The following LRRC4C variants were observed in gnomAD, a reference collection of about 807,000 sequenced individuals.
LRRC4C encodes leucine rich repeat containing 4C, also known as leucine-rich repeat-containing protein 4C.
A neutral mutation model predicts 33.6 loss-of-function variants in LRRC4C; 5 were observed. The ratio of observed to expected loss-of-function variants is 0.15; its 90% CI spans 0.08 to 0.31. LRRC4C has a LOEUF of 0.31. Ranked by LOEUF, LRRC4C falls within the 10% of genes least tolerant of loss-of-function variation. The pLI, the probability that LRRC4C is intolerant of heterozygous loss-of-function variation, is 1.00. For missense variants in LRRC4C, 560 were observed against 796.7 expected, an observed-to-expected ratio of 0.70 and a Z score of 3.58; for synonymous variants, 329 against 302.0, an observed-to-expected ratio of 1.09 and a Z score of -0.93.
intron 5 of LRRC4C, among the ~76,000 whole-genome samples, chr11:40,180,179 T>C (rs1209288121): frequency 6.6e-6 from 1 of 152,236 alleles, no homozygotes; most frequent in Admixed American, 6.5e-5. Flanking sequence ...TTATTTATGG[T>C]CCAAATAACA....
chr11:40,953,699 T>A (rs1293086970), intron 1 of LRRC4C, among the ~76,000 whole-genome samples: 1 of 151,804 alleles, frequency 6.6e-6, no homozygotes, highest in Non-Finnish European at 1.5e-5. Context: ...TCTGACCATG[T>A]GGCATAAAGA....
In LRRC4C at chr11:41,446,933, A is replaced by G. The variant is rs1433300500; in HGVS notation, c.-496+12498T>C. On this transcript the variant is annotated intron_variant, in intron 1 of 6. Coordinates refer to ENST00000528697, the MANE Select transcript of LRRC4C (RefSeq NM_001258419.2). ...GTCCTTACAGAGTAAAGAGCAAAGG[A>G]GTTCTGAAATCACAAAACTAAAGCA... is the stretch of plus-strand genomic sequence containing the variant. 1.3e-5 allele frequency among the ~76,000 whole-genome samples: 2 copies of G among 152,204 alleles called. 1 individual carries two copies. Among genetic ancestry groups the G allele is most frequent in the Non-Finnish European group, 2.9e-5 (2 of 68,038 alleles).
chr11:40,646,629 C>T (rs1002377099), intron 3 of LRRC4C, among the ~76,000 whole-genome samples: 5 of 152,042 alleles, frequency 3.3e-5, no homozygotes, highest in East Asian at 1.9e-4. Context: ...TTTTTGGAGA[C>T]GGACTCTTGC....
At chr11:40,846,120 C>A (rs531997933) in intron 2 of LRRC4C, among the ~76,000 whole-genome samples, 112 of 151,436 alleles carry the variant, frequency 7.4e-4, no homozygotes, top group African/African-American at 2.7e-3. Context: ...TTCTCCCATT[C>A]TGTAGGTTGC....
rs35856491 is a variant in LRRC4C, at chr11:40,557,679, CGTGT to C, written c.-270+90459_-270+90462del. On this transcript the variant is annotated intron_variant, in intron 3 of 6. Transcript: ENST00000528697. ...GACATTTTTACACTGTCTATAGAGG[CGTGT>C]GTGTGTGTGTGTGTGTGTAAAATAT... 3.7e-3 allele frequency among the ~76,000 whole-genome samples: 551 copies of C among 149,332 alleles called. 6 individuals carry two copies. Among genetic ancestry groups the C allele is most frequent in the African/African-American group, 0.013 (518 of 40,770 alleles).
intron 2 of LRRC4C, among the ~76,000 whole-genome samples, chr11:40,898,173 G>A (rs1239212603): frequency 2.0e-5 from 3 of 151,672 alleles, no homozygotes; most frequent in Admixed American, 6.6e-5. Context: ...TGACCAACGT[G>A]GAGAAACCCC....
At chr11:40,807,474 T>TCAGTGAGA (rs11282323) in intron 2 of LRRC4C, among the ~76,000 whole-genome samples, 42,247 of 152,012 alleles carry the variant, frequency 0.28, 8,701 homozygotes, top group African/African-American at 0.58. Flanking sequence ...TGGAAACAGC[T>TCAGTGAGA]TTACTCCAAC....
At chr11:40,616,971 C>G (rs1194043171) in intron 3 of LRRC4C, among the ~76,000 whole-genome samples, 3 of 150,830 alleles carry the variant, frequency 2.0e-5, no homozygotes, top group African/African-American at 7.3e-5. Context: ...TTGTTTAGAT[C>G]TTTACCAATA....
intron 3 of LRRC4C, among the ~76,000 whole-genome samples, chr11:40,626,212 T>G (rs750874723): frequency 5.3e-5 from 8 of 152,126 alleles, no homozygotes; most frequent in Non-Finnish European, 8.8e-5. Context: ...GGAAAGAACA[T>G]TTCCCAGATA....
At chr11:40,971,440 G>A (rs976259628) in intron 1 of LRRC4C, among the ~76,000 whole-genome samples, 2 of 152,170 alleles carry the variant, frequency 1.3e-5, no homozygotes, top group Non-Finnish European at 2.9e-5. Flanking sequence ...TGGGGGAGGA[G>A]GGAACAGAAT....
At chr11:40,668,636 A>G (rs1399909878) in intron 2 of LRRC4C, among the ~76,000 whole-genome samples, 5 of 152,164 alleles carry the variant, frequency 3.3e-5, no homozygotes, top group Non-Finnish European at 7.3e-5. Flanking sequence ...GTTTCTCACC[A>G]TCATTAATCT....
chr11:41,454,895 T>A (rs1242590777), intron 1 of LRRC4C, among the ~76,000 whole-genome samples: 1 of 152,148 alleles, frequency 6.6e-6, no homozygotes, highest in Non-Finnish European at 1.5e-5. Context: ...AGAGAATATA[T>A]GTGAGCTACC....
chr11:41,024,477 T>C (rs1262626988), intron 1 of LRRC4C, among the ~76,000 whole-genome samples: 1 of 151,682 alleles, frequency 6.6e-6, no homozygotes, highest in Non-Finnish European at 1.5e-5. Flanking sequence ...TAAATATTAA[T>C]TCACTTAATT....
At chr11:40,661,284 C>T (rs530160199) in intron 2 of LRRC4C, among the ~76,000 whole-genome samples, 1 of 151,758 alleles carries the variant, frequency 6.6e-6, no homozygotes, top group East Asian at 1.9e-4. Flanking sequence ...TGATTTGAAA[C>T]AAAATTTGAG....
chr11:40,683,229 A>T (rs1257451007), intron 2 of LRRC4C, among the ~76,000 whole-genome samples: 1 of 152,186 alleles, frequency 6.6e-6, no homozygotes, highest in Non-Finnish European at 1.5e-5. Context: ...ACCACTGGAT[A>T]TCCGTAAGTA....
At chr11:40,178,050 C>A (rs1860660652) in intron 5 of LRRC4C, among the ~76,000 whole-genome samples, 1 of 152,118 alleles carries the variant, frequency 6.6e-6, no homozygotes, top group African/African-American at 2.4e-5. Context: ...ATGCACAGAT[C>A]CTGACAAGAG....
intron 2 of LRRC4C, among the ~76,000 whole-genome samples, chr11:40,769,934 G>A (rs1412270439): frequency 6.6e-6 from 1 of 152,042 alleles, no homozygotes; most frequent in South Asian, 2.1e-4. Flanking sequence ...TATTTCTTGA[G>A]TAATATACCC....
At chr11:40,537,844 T>G (rs1225720579) in intron 3 of LRRC4C, among the ~76,000 whole-genome samples, 1 of 152,042 alleles carries the variant, frequency 6.6e-6, no homozygotes, top group Non-Finnish European at 1.5e-5. Context: ...CTTCAAGAGT[T>G]TGTGTATAGA....
At chr11:40,397,670 T>A (rs529414597) in intron 3 of LRRC4C, among the ~76,000 whole-genome samples, 1 of 152,180 alleles carries the variant, frequency 6.6e-6, no homozygotes, top group African/African-American at 2.4e-5. Context: ...CTACATAGAA[T>A]GAAGTTCAAT....
Sources: allele counts gnomAD v4.1 joint callset (sites outside exome capture counted in the v4.1 genomes callset), GRCh38; gene constraint gnomAD v4.1.1; transcripts MANE v1.5; gene names NCBI Gene and HGNC (gene_info 2026-07-23, HGNC 2026-07-21).